The following NAV3 variants were observed in gnomAD, a reference collection of about 807,000 sequenced individuals.
NAV3 encodes neuron navigator 3.
NAV3 carries 87 observed loss-of-function variants against 244.7 expected under a neutral mutation model. The ratio of observed to expected loss-of-function variants is 0.36; its 90% CI spans 0.30 to 0.42. NAV3 has a LOEUF of 0.42. Ranked by LOEUF, NAV3 falls within the 20% of genes least tolerant of loss-of-function variation. The pLI, the probability that NAV3 is intolerant of heterozygous loss-of-function variation, is 1.00. For synonymous variants in NAV3, 1,126 were observed against 1,042.2 expected, an observed-to-expected ratio of 1.08 and a Z score of -1.55; for missense variants, 2,663 against 2,893.3, an observed-to-expected ratio of 0.92 and a Z score of 1.83.
At chr12:77,631,360 G>GA (rs112989648) in intron 2 of NAV3, among the ~76,000 whole-genome samples, 18,015 of 145,540 alleles carry the variant, frequency 0.12, 1,960 homozygotes, top group African/African-American at 0.3. Flanking sequence ...CATGGAAAAA[G>GA]AAAAAAAGAA....
chr12:78,054,844 G>A lies in NAV3; in HGVS notation c.2516+3697G>A, dbSNP rs559574186. Reference sequence around the variant, plus strand: ...GAGAGGATTTTTTGATGAGAAAGCAGAGAGAGAGATGATGAATTTAGAGTT... The same window carrying A: ...GAGAGGATTTTTTGATGAGAAAGCAAAGAGAGAGATGATGAATTTAGAGTT... On this transcript the variant is annotated intron_variant, in intron 11 of 39. Transcript: ENST00000397909. 1.1e-4 allele frequency among the ~76,000 whole-genome samples: 17 copies of A among 152,132 alleles called. 1 individual carries two copies. The highest frequency in any genetic ancestry group is 2.9e-4 in the African/African-American group (12 of 41,526).
intron 2 of NAV3, among the ~76,000 whole-genome samples, chr12:77,729,282 G>T (rs1877019290): frequency 6.6e-6 from 1 of 151,970 alleles, no homozygotes; most frequent in African/African-American, 2.4e-5. Context: ...AATCATCAGT[G>T]TGTTGGTCTT....
intron 7 of NAV3, among the ~76,000 whole-genome samples, chr12:78,003,731 T>C (rs954190836): frequency 2.5e-4 from 38 of 152,356 alleles, no homozygotes; most frequent in African/African-American, 8.4e-4. Flanking sequence ...TTGGTTGGCA[T>C]TGTTCCCAAG....
chr12:77,593,805 T>C (rs1413324088), intron 2 of NAV3, among the ~76,000 whole-genome samples: 1 of 151,620 alleles, frequency 6.6e-6, no homozygotes, highest in East Asian at 1.9e-4. Context: ...GAGGAGAGAT[T>C]TATTTTAGAT....
At chr12:78,197,539 AT>A in intron 35 of NAV3, 138 bp downstream of exon 35, 1 of 575,406 alleles carries the variant, frequency 1.7e-6, no homozygotes, top group Non-Finnish European at 2.9e-6. Flanking sequence ...AACTGTACAT[AT>A]TGATTGTGTA....
At chr12:78,001,178 A>G (rs1452864983) in intron 7 of NAV3, among the ~76,000 whole-genome samples, 15 of 152,164 alleles carry the variant, frequency 9.9e-5, no homozygotes, top group South Asian at 2.1e-4. Flanking sequence ...GCAAGGTGAG[A>G]GTTAAGAACT....
At chr12:77,646,534 A>G (rs960709401) in intron 2 of NAV3, among the ~76,000 whole-genome samples, 5 of 152,098 alleles carry the variant, frequency 3.3e-5, no homozygotes, top group African/African-American at 4.8e-5. Context: ...CTGTTCTATA[A>G]AGGGAGGATT....
intron 2 of NAV3, among the ~76,000 whole-genome samples, chr12:77,654,943 C>A (rs1565755693): frequency 1.3e-5 from 2 of 151,852 alleles, no homozygotes; most frequent in African/African-American, 2.4e-5. Context: ...GACATCCACA[C>A]CAAAAACCCA....
chr12:77,731,623 A>G (rs1877130739), intron 2 of NAV3, among the ~76,000 whole-genome samples: 1 of 151,926 alleles, frequency 6.6e-6, no homozygotes, highest in South Asian at 2.1e-4. Flanking sequence ...TTTTAATGGG[A>G]AACAGCATGG....
intron 3 of NAV3, among the ~76,000 whole-genome samples, chr12:77,960,562 AAC>A (rs1329653634): frequency 6.7e-6 from 1 of 149,380 alleles, no homozygotes; most frequent in African/African-American, 2.4e-5. Context: ...AGACTTTAAT[AAC>A]ACATAGCATA....
rs548533622 is a variant in NAV3, at chr12:78,075,019, T to A, written c.2636+15904T>A. On this transcript the variant is annotated intron_variant, in intron 12 of 39. Transcript: ENST00000397909. ...GCACAGTTGAGGGCTGAACACAGGT[T>A]AATTAAATATTGAGAAGAACTTTTT... Among the ~76,000 whole-genome samples the A allele has an allele frequency of 8.5e-5, 13 of 152,318 alleles. No individual in the cohort carries two copies. In the East Asian group the frequency reaches 2.5e-3, roughly 29 times the overall value.
chr12:77,928,527 C>A (rs2137277652), intron 1 of NAV3, among the ~76,000 whole-genome samples: 1 of 152,180 alleles, frequency 6.6e-6, no homozygotes, highest in East Asian at 1.9e-4. Flanking sequence ...AACTTATGTG[C>A]CTTATCCTTG....
chr12:78,002,622 A>G (rs1483473762), intron 7 of NAV3, among the ~76,000 whole-genome samples: 2 of 152,194 alleles, frequency 1.3e-5, no homozygotes, highest in Non-Finnish European at 2.9e-5. Context: ...TGAAATTACA[A>G]TAAAGTCAAA....
intron 2 of NAV3, among the ~76,000 whole-genome samples, chr12:77,594,466 T>A (rs1254051677): frequency 6.6e-6 from 1 of 152,198 alleles, no homozygotes; most frequent in Non-Finnish European, 1.5e-5. Context: ...GTACACTAAT[T>A]GATTTTGTTG....
chr12:77,797,450 G>A (rs1871467927), intron 2 of NAV3, among the ~76,000 whole-genome samples: 1 of 150,732 alleles, frequency 6.6e-6, no homozygotes, highest in Non-Finnish European at 1.5e-5. Context: ...ATATATTTTG[G>A]GCAAATTGGT....
At chr12:77,651,234 G>T (rs1293261843) in intron 2 of NAV3, among the ~76,000 whole-genome samples, 1 of 151,816 alleles carries the variant, frequency 6.6e-6, no homozygotes, top group African/African-American at 2.4e-5. Flanking sequence ...GAAAATTTTG[G>T]CCTTTAAAAC....
At chr12:78,099,169 A>G (rs1265986849) in intron 12 of NAV3, among the ~76,000 whole-genome samples, 3 of 151,638 alleles carry the variant, frequency 2.0e-5, no homozygotes, top group South Asian at 2.1e-4. Context: ...GTTACTTACA[A>G]TAGTTAGAAA....
chr12:78,047,263 G>A (rs188884024), intron 9 of NAV3, among the ~76,000 whole-genome samples: 3 of 152,154 alleles, frequency 2.0e-5, no homozygotes, highest in African/African-American at 4.8e-5. Context: ...CGAGGCAGGC[G>A]GATCATGAGG....
chr12:77,773,231 GT>G (rs11397313), intron 2 of NAV3, among the ~76,000 whole-genome samples: 3 of 149,300 alleles, frequency 2.0e-5, no homozygotes, highest in African/African-American at 7.4e-5. Context: ...TAAAAGCATT[GT>G]TTTTTTTTTG....
Sources: allele counts gnomAD v4.1 joint callset (sites outside exome capture counted in the v4.1 genomes callset), GRCh38; gene constraint gnomAD v4.1.1; transcripts MANE v1.5; gene names NCBI Gene and HGNC (gene_info 2026-07-23, HGNC 2026-07-21).